SFI1: variants seen among roughly 807,000 people sequenced by gnomAD.
SFI1 encodes protein SFI1 homolog.
SFI1 carries 195 observed loss-of-function variants against 207.5 expected under a neutral mutation model. The ratio of observed to expected loss-of-function variants is 0.94; its 90% CI spans 0.84 to 1.06. SFI1 has a LOEUF of 1.06. SFI1 is among the 50% of genes least tolerant of loss of function. SFI1 has a pLI of 0.00. For missense variants in SFI1, 1,634 were observed against 1,588.0 expected (o/e 1.03, Z -0.49); for synonymous variants, 630 against 598.9 (o/e 1.05, Z -0.76).
chr22:31,564,915 G>A (rs1406193705), intron 8 of SFI1, among the ~76,000 whole-genome samples: 1 of 148,006 alleles, frequency 6.8e-6, no homozygotes, highest in Non-Finnish European at 1.5e-5. Flanking sequence ...CCGGGTTCAC[G>A]TCATTCTCCT....
intron 17 of SFI1, among the ~76,000 whole-genome samples, chr22:31,603,219 C>A (rs191547685): frequency 3.9e-5 from 6 of 152,224 alleles, no homozygotes; most frequent in Admixed American, 3.9e-4. Context: ...TGCAACAGAG[C>A]GAGACTCTGC....
In SFI1 at chr22:31,589,447, C is replaced by A; in HGVS notation, c.1414C>A (p.Leu472Met). Residue 472 changes from leucine to methionine, a missense_variant and splice_region_variant, in exon 15 of 33, where the codon CTG becomes ATG. Leu to Met is a conservative substitution (Grantham distance 15). Coordinates refer to ENST00000400288, the MANE Select transcript of SFI1 (RefSeq NM_001007467.3). Reference protein sequence around the residue: ...QYTQKRRYKQLLQARADGHFQ... With the variant: ...QYTQKRRYKQMLQARADGHFQ... Reference sequence around the variant, plus strand: ...AAGGTTATTCATTCTTTTACTTTAGCTGCTACAGGCCAGAGCGGATGGTCA... The same window carrying A: ...AAGGTTATTCATTCTTTTACTTTAGATGCTACAGGCCAGAGCGGATGGTCA... 1 of 1,592,112 alleles carries A rather than the reference C, an allele frequency of 6.3e-7. No homozygotes were observed. The highest frequency in any genetic ancestry group is 8.5e-7 in the Non-Finnish European group (1 of 1,173,458).
chr22:31,577,048 T>A (rs1478176034), intron 10 of SFI1, among the ~76,000 whole-genome samples: 2 of 152,236 alleles, frequency 1.3e-5, no homozygotes, highest in Non-Finnish European at 2.9e-5. Context: ...AAAGTCTTGC[T>A]TTGTATAAAC....
At chr22:31,565,249 A>G (rs1307703839) in intron 8 of SFI1, among the ~76,000 whole-genome samples, 1 of 152,034 alleles carries the variant, frequency 6.6e-6, no homozygotes, top group African/African-American at 2.4e-5. Flanking sequence ...GTTCTCCTAT[A>G]TTCTTTTTTC....
chr22:31,551,959 A>G (rs1404295061), intron 6 of SFI1, among the ~76,000 whole-genome samples: 11 of 152,130 alleles, frequency 7.2e-5, no homozygotes. Flanking sequence ...TGGAGATTTG[A>G]CTGTCCACTA....
At chr22:31,532,724 C>G (rs565774640) in intron 4 of SFI1, among the ~76,000 whole-genome samples, 1 of 152,260 alleles carries the variant, frequency 6.6e-6, no homozygotes, top group Non-Finnish European at 1.5e-5. Flanking sequence ...CCTGATGTGG[C>G]TATGTTACTG....
rs1326438280 is a variant in SFI1 at position 31,604,294 on chromosome 22, C to T, written c.1882-15C>T. On this transcript the variant is annotated splice_polypyrimidine_tract_variant and intron_variant, in intron 18 of 32. Transcript: ENST00000400288. ...GACCCCAGCCCACGGTAGCTGCTTT[C>T]TCCTCTGTCTGCAGTGCCTGGCCCT... The T allele has an allele frequency of 9.0e-6, 14 of 1,560,016 alleles. No homozygotes were observed. Among genetic ancestry groups the T allele is most frequent in the Non-Finnish European group, 1.1e-5 (13 of 1,153,750 alleles).
intron 8 of SFI1, among the ~76,000 whole-genome samples, chr22:31,567,725 A>C (rs1017056772): frequency 1.3e-5 from 2 of 152,220 alleles, no homozygotes; most frequent in Non-Finnish European, 2.9e-5. Context: ...CATAGTTTTA[A>C]CTTTGGAACT....
At chr22:31,601,964 A>C (rs977825816) in intron 15 of SFI1, among the ~76,000 whole-genome samples, 1 of 151,408 alleles carries the variant, frequency 6.6e-6, no homozygotes, top group African/African-American at 2.4e-5. Flanking sequence ...AGCAATTTTA[A>C]AATTTTTTTG....
intron 16 of SFI1, 92 bp downstream of exon 16, chr22:31,602,385 G>A (rs2068259891): frequency 2.3e-6 from 3 of 1,329,674 alleles, no homozygotes; most frequent in East Asian, 2.3e-5. Context: ...AAGTTGCTCG[G>A]ACCTCACTGG....
chr22:31,604,865 A>G lies in SFI1; in HGVS notation c.1978-4A>G, dbSNP rs773158666. 3.7e-6 allele frequency: 6 copies of G among 1,611,108 alleles called. No individual in the cohort carries two copies. Among genetic ancestry groups the G allele is most frequent in the East Asian group, 4.5e-5 (2 of 44,606 alleles). ...GCAGCCTCAGTCTTCCTTGTCCCCT[A>G]CAGACTTACCAGGGCAGGGTGCGAA... is the stretch of plus-strand genomic sequence containing the variant. On this transcript the variant is annotated splice_polypyrimidine_tract_variant and splice_region_variant and intron_variant, in intron 19 of 32. Coordinates refer to ENST00000400288, the MANE Select transcript of SFI1 (RefSeq NM_001007467.3).
intron 2 of SFI1, among the ~76,000 whole-genome samples, chr22:31,522,901 G>A (rs577812145): frequency 3.3e-5 from 5 of 152,192 alleles, no homozygotes; most frequent in East Asian, 1.9e-4. Flanking sequence ...TGATCCACCC[G>A]CCTGGGACTC....
At chr22:31,557,146 C>G in intron 7 of SFI1, 87 bp downstream of exon 7, 1 of 772,028 alleles carries the variant, frequency 1.3e-6, no homozygotes, top group Middle Eastern at 2.5e-4. Flanking sequence ...TAAAACCTCA[C>G]CTTAAAACAA....
intron 4 of SFI1, among the ~76,000 whole-genome samples, chr22:31,544,487 A>T (rs917371881): frequency 6.6e-6 from 1 of 152,064 alleles, no homozygotes; most frequent in Admixed American, 6.6e-5. Context: ...AATTCACTTC[A>T]TGGTGTTTGA....
intron 6 of SFI1, among the ~76,000 whole-genome samples, chr22:31,553,044 T>C (rs2060769797): frequency 6.6e-6 from 1 of 152,106 alleles, no homozygotes; most frequent in Non-Finnish European, 1.5e-5. Context: ...GGTCTGGCTA[T>C]GTTGCCCAAG....
rs191838253 is a variant in SFI1, at chr22:31,581,946, C to A, written c.1248+1582C>A. The stretch of plus-strand genomic sequence containing the variant: ...CACTCAGAGACATTTTCTTATGTAA[C>A]GACAATGTCATTATCATCCCTAAGA... On this transcript the variant is annotated intron_variant, in intron 12 of 32. Transcript: ENST00000400288. 2.9e-4 allele frequency among the ~76,000 whole-genome samples: 44 copies of A among 151,624 alleles called. No homozygotes were observed. The East Asian group carries it at 8.0e-3, about 27-fold the overall frequency.
intron 9 of SFI1, 98 bp from the exon 10 acceptor site, chr22:31,575,133 C>A (rs2063349945): frequency 1.9e-6 from 2 of 1,049,694 alleles, no homozygotes; most frequent in Non-Finnish European, 2.7e-6. Context: ...GCCTTGAACC[C>A]CTGCTCTCTG....
Position 31,605,322 on chromosome 22 carries a change from C to G in SFI1, c.2054+377C>G, listed in dbSNP as rs140390961. 15 of 165,542 alleles carry G rather than the reference C, an allele frequency of 9.1e-5. No individual in the cohort carries two copies. The East Asian group carries it at 2.7e-3, about 30-fold the overall frequency. The allele number at this position is 165,542 out of a possible 1,614,324, so 10.3% of individuals were successfully genotyped here. On this transcript the variant is annotated intron_variant, in intron 20 of 32. Coordinates refer to ENST00000400288, the MANE Select transcript of SFI1 (RefSeq NM_001007467.3). ...CTGTCAATTTCCAAGTAGTCCCCTT[C>G]CAGCTTGCTCTGCAGGCCTGTCACT... is the stretch of plus-strand genomic sequence containing the variant.
At chr22:31,536,663 T>C (rs951587402) in intron 4 of SFI1, among the ~76,000 whole-genome samples, 2 of 152,246 alleles carry the variant, frequency 1.3e-5, no homozygotes, top group Non-Finnish European at 2.9e-5. Flanking sequence ...TCCACCTGCC[T>C]TGGCCTCCCA....
Sources: gnomAD v4.1 joint callset for allele counts (sites outside exome capture counted in the v4.1 genomes callset) on GRCh38, gnomAD v4.1.1 for gene constraint, MANE v1.5 for transcripts, NCBI Gene and HGNC (gene_info 2026-07-23, HGNC 2026-07-21) for gene names.